Variants in BACH1 observed in about 807,000 individuals in gnomAD.
BACH1 encodes the protein transcription regulator protein BACH1.
BACH1 carries 35 observed loss-of-function variants against 52.9 expected under a neutral mutation model. The ratio of observed to expected loss-of-function variants is 0.66; its 90% CI spans 0.51 to 0.88. The LOEUF is 0.88. Among genes scored for constraint, BACH1 ranks in the 40% least tolerant of loss-of-function variants. The pLI is 0.00. For missense variants in BACH1, 808 were observed against 872.6 expected, an observed-to-expected ratio of 0.93 and a Z score of 0.93; for synonymous variants, 321 against 319.6, an observed-to-expected ratio of 1.00 and a Z score of -0.05.
At chr21:29,324,662 T>G (rs907264943) in intron 2 of BACH1, among the ~76,000 whole-genome samples, 1 of 151,626 alleles carries the variant, frequency 6.6e-6, no homozygotes, top group Admixed American at 6.6e-5. Flanking sequence ...ACAAATAAAA[T>G]TGCTGTAAAC....
At position 29,358,279 on chromosome 21, in the gene BACH1, A is replaced by C. The variant is rs188841237; in HGVS notation, c.472+28586A>C. Among the ~76,000 whole-genome samples, 6 of 152,366 alleles carry C rather than the reference A, an allele frequency of 3.9e-5. No individual in the cohort carries two copies. In the East Asian group the frequency reaches 9.6e-4, roughly 24 times the overall value. On this transcript the variant is annotated intron_variant, in intron 2 of 4. Coordinates refer to the BACH1 transcript ENST00000422809. Reference sequence around the variant, plus strand: ...ATCTTTACACATTTGACAATATCCAATAAAAAGAACACCAAACTACATCAA... The same window carrying C: ...ATCTTTACACATTTGACAATATCCACTAAAAAGAACACCAAACTACATCAA...
At chr21:29,340,909 C>T (rs2089103860) in intron 4 of BACH1, among the ~76,000 whole-genome samples, 1 of 149,768 alleles carries the variant, frequency 6.7e-6, no homozygotes, top group Non-Finnish European at 1.5e-5. Context: ...ATGTACTGGC[C>T]AAACATTGAT....
At chr21:29,318,532 G>GGC (rs1376865903) in intron 1 of BACH1, among the ~76,000 whole-genome samples, 2 of 152,206 alleles carry the variant, frequency 1.3e-5, no homozygotes, top group African/African-American at 4.8e-5. Context: ...ACTTGGGGTT[G>GGC]GCATCTCGCC....
rs1323238960 is a variant in BACH1, at chr21:29,344,604, C to T, written c.*1771C>T. The T allele has an allele frequency of 6.6e-6, 1 of 151,800 alleles. No homozygotes were observed. The highest frequency in any genetic ancestry group is 6.6e-5 in the Admixed American group (1 of 15,190). The allele number at this position is 151,800 out of a possible 1,614,324, so 9.4% of individuals were successfully genotyped here. On this transcript the variant is annotated 3_prime_UTR_variant, in exon 5 of 5. Transcript: ENST00000286800. ...CAAGAATTTGTCAGGGAGAATAATT[C>T]TGATAGTGCATCCCATACTGCAAAA...
chr21:29,307,671 T>C (rs2088674818), intron 1 of BACH1, among the ~76,000 whole-genome samples: 1 of 152,212 alleles, frequency 6.6e-6, no homozygotes. Flanking sequence ...GCATAGTATA[T>C]ATATAGGGTT....
intron 2 of BACH1, among the ~76,000 whole-genome samples, chr21:29,351,386 T>C (rs1215666227): frequency 2.0e-5 from 3 of 152,228 alleles, no homozygotes; most frequent in Non-Finnish European, 2.9e-5. Flanking sequence ...AGTTCTGTTT[T>C]GAGCTATTAA....
rs754543904 is a variant in BACH1 at position 29,342,853 on chromosome 21, A to C, written c.*20A>C. Reference sequence around the variant, plus strand: ...GAGTAAACTTGCATTCACTTCCTTCAAACCATCTAATTTTCTCCTGAAGTT... The same window carrying C: ...GAGTAAACTTGCATTCACTTCCTTCCAACCATCTAATTTTCTCCTGAAGTT... On this transcript the variant is annotated 3_prime_UTR_variant, in exon 5 of 5. Transcript: ENST00000286800. 4.2e-5 allele frequency: 65 copies of C among 1,550,478 alleles called. No individual in the cohort carries two copies. The highest frequency in any genetic ancestry group is 5.1e-5 in the Non-Finnish European group (59 of 1,146,218).
Position 29,346,102 on chromosome 21 carries a change from A to G in BACH1, c.*3269A>G, listed in dbSNP as rs2089166180. On this transcript the variant is annotated 3_prime_UTR_variant, in exon 5 of 5. Coordinates refer to ENST00000286800, the MANE Select transcript of BACH1 (RefSeq NM_001186.4). ...AACTAAAAAATGTTAGATGTTGGTGATAAGTTGACAGTTAAATAAAATTCT... is the reference window on the plus strand; with the variant it reads ...AACTAAAAAATGTTAGATGTTGGTGGTAAGTTGACAGTTAAATAAAATTCT... The G allele has an allele frequency of 6.6e-6, 1 of 152,492 alleles. No homozygotes were observed. Among genetic ancestry groups the G allele is most frequent in the South Asian group, 2.1e-4 (1 of 4,834 alleles). The allele number at this position is 152,492 out of a possible 1,614,324, so 9.4% of individuals were successfully genotyped here.
intron 2 of BACH1, chr21:29,361,543 T>TC (rs2123499803): frequency 6.6e-6 from 1 of 152,334 alleles, no homozygotes; most frequent in Non-Finnish European, 1.5e-5. Flanking sequence ...GATCTTTTTC[T>TC]CGTTCCAGCT....
intron 4 of BACH1, among the ~76,000 whole-genome samples, chr21:29,336,434 A>G (rs1167505369): frequency 6.6e-6 from 1 of 152,036 alleles, no homozygotes; most frequent in East Asian, 1.9e-4. Context: ...CTCCATTTTC[A>G]AAGTAATATT....
intron 1 of BACH1, chr21:29,305,272 T>A (rs2088643622): frequency 6.6e-6 from 1 of 152,156 alleles, no homozygotes; most frequent in Admixed American, 6.5e-5. Context: ...TGCCTTCAGT[T>A]TCAGTTGTCA....
Position 29,327,282 on chromosome 21 carries a change from A to C in BACH1, c.1458A>C (p.Glu486Asp). The C allele has an allele frequency of 6.2e-7, 1 of 1,614,178 alleles. No individual in the cohort carries two copies. Among genetic ancestry groups the C allele is most frequent in the Non-Finnish European group, 8.5e-7 (1 of 1,180,036 alleles). ...TTGGAAACGATGATTATGTTTCAGA[A>C]CCCCAGCAAGAACCTTGCCCATATG... ...LEIGNDDYVS[E>D]PQQEPCPYAC... Residue 486 changes from glutamate (E) to aspartate (D), a missense_variant, in exon 3 of 5, where the codon GAA (glutamate) becomes GAC (aspartate). Transcript: ENST00000286800.
chr21:29,308,700 T>G (rs1054966636), intron 1 of BACH1, among the ~76,000 whole-genome samples: 3 of 152,252 alleles, frequency 2.0e-5, no homozygotes, highest in Non-Finnish European at 4.4e-5. Context: ...ATATGAATTA[T>G]GGTTGTAATT....
chr21:29,358,749 G>GAA (rs1294664679), intron 2 of BACH1, among the ~76,000 whole-genome samples: 24 of 99,210 alleles, frequency 2.4e-4, no homozygotes, highest in African/African-American at 8.7e-4. Flanking sequence ...CAGAAAAAAA[G>GAA]AAAAGAAAAG....
chr21:29,354,406 G>A (rs2089221221), intron 2 of BACH1, among the ~76,000 whole-genome samples: 1 of 152,196 alleles, frequency 6.6e-6, no homozygotes, highest in Admixed American at 6.5e-5. Context: ...AGTGAGGAGA[G>A]TGGATTGTGG....
At chr21:29,299,592 C>G (rs1039545391) in intron 1 of BACH1, 2 of 152,270 alleles carry the variant, frequency 1.3e-5, no homozygotes, top group Non-Finnish European at 2.9e-5. Flanking sequence ...AAGCCTCGCA[C>G]AATATGGTGA....
At chr21:29,315,318 T>C (rs946740331) in intron 1 of BACH1, among the ~76,000 whole-genome samples, 1 of 152,006 alleles carries the variant, frequency 6.6e-6, no homozygotes, top group African/African-American at 2.4e-5. Flanking sequence ...CTTAGGGAGG[T>C]TAGCTTTCTT....
chr21:29,304,663 C>A (rs2088636313), intron 1 of BACH1, among the ~76,000 whole-genome samples: 1 of 152,036 alleles, frequency 6.6e-6, no homozygotes, highest in South Asian at 2.1e-4. Context: ...CCCTACACAC[C>A]TTTTTTCCAG....
In BACH1 at chr21:29,326,343, T is replaced by C; in HGVS notation, c.519T>C (p.Phe173=). ...TAGAAACTGATGAAGTGGAGGAATT[T>C]CTGGAAAATAAAAATGTTCAGACTC... ...RDLETDEVEE[F]LENKNVQTPQ... The change falls in exon 3 of 5, where the codon TTT becomes TTC. Residue 173 remains phenylalanine, a synonymous_variant. Transcript: ENST00000286800. The C allele has an allele frequency of 6.2e-7, 1 of 1,614,184 alleles. No homozygotes were observed. Among genetic ancestry groups the C allele is most frequent in the Admixed American group, 1.7e-5 (1 of 60,030 alleles).
Sources: gnomAD v4.1 joint callset for allele counts (sites outside exome capture counted in the v4.1 genomes callset) on GRCh38, gnomAD v4.1.1 for gene constraint, MANE v1.5 for transcripts, NCBI Gene and HGNC (gene_info 2026-07-23, HGNC 2026-07-21) for gene names.